The following NHLRC2 variants were observed in gnomAD, a reference collection of about 807,000 sequenced individuals.
The protein encoded by NHLRC2 is NHL repeat containing 2, also known as NHL repeat-containing protein 2.
A neutral mutation model predicts 68.1 loss-of-function variants in NHLRC2; 33 were observed. The ratio of observed to expected loss-of-function variants is 0.48; its 90% confidence interval spans 0.37 to 0.65. NHLRC2 has a LOEUF of 0.65. Ranked by LOEUF, NHLRC2 falls within the 30% of genes least tolerant of loss-of-function variation. The pLI, the probability that NHLRC2 is intolerant of heterozygous loss-of-function variation, is 0.00. For synonymous variants in NHLRC2, 311 were observed against 309.6 expected (o/e 1.00, Z -0.05); for missense variants, 761 against 853.8 (o/e 0.89, Z 1.35).
In NHLRC2 at chr10:113,875,032, G is replaced by A. The variant is rs537986777; in HGVS notation, c.332-1489G>A. 3.2e-4 allele frequency among the ~76,000 whole-genome samples: 48 copies of A among 150,800 alleles called. 1 individual carries two copies. The South Asian group carries it at 8.9e-3, about 28-fold the overall frequency. The stretch of plus-strand genomic sequence containing the variant: ...CGAACATCTGCTTTATCTTGGCATC[G>A]GTATCTGTTGCTTGTTTTTTTTGCC... On this transcript the variant is annotated intron_variant, in intron 2 of 10. Coordinates refer to ENST00000369301, the MANE Select transcript of NHLRC2 (RefSeq NM_198514.4).
At chr10:113,895,742 ATG>A (rs1846170528) in intron 5 of NHLRC2, among the ~76,000 whole-genome samples, 1 of 152,152 alleles carries the variant, frequency 6.6e-6, no homozygotes, top group South Asian at 2.1e-4. Context: ...TTAGAAAGTG[ATG>A]TAGCTACTAC....
chr10:113,873,418 T>A (rs1029797977), intron 2 of NHLRC2, among the ~76,000 whole-genome samples: 1 of 152,154 alleles, frequency 6.6e-6, no homozygotes, highest in Non-Finnish European at 1.5e-5. Flanking sequence ...GAAGCACAAC[T>A]GGGTATAATA....
chr10:113,905,864 G>T (rs1846270985), intron 10 of NHLRC2, among the ~76,000 whole-genome samples: 2 of 152,170 alleles, frequency 1.3e-5, no homozygotes, highest in Admixed American at 1.3e-4. Context: ...TATCTTGGTA[G>T]ACTGGCTGGG....
chr10:113,883,931 G>A (rs752491322), intron 4 of NHLRC2, among the ~76,000 whole-genome samples: 1 of 151,762 alleles, frequency 6.6e-6, no homozygotes, highest in Non-Finnish European at 1.5e-5. Flanking sequence ...CATGTATTTT[G>A]CTACATTGTG....
chr10:113,905,009 T>A lies in NHLRC2; in HGVS notation c.1897T>A (p.Ser633Thr), dbSNP rs770045880. 2 of 1,532,632 alleles carry A rather than the reference T, an allele frequency of 1.3e-6. No individual in the cohort carries two copies. The highest frequency in any genetic ancestry group is 4.6e-5 in the East Asian group (2 of 43,754). 94.9% of individuals were successfully genotyped at this position (1,532,632 alleles called of 1,614,324 possible). A position where few individuals can be genotyped will look rare whatever the true frequency, so the allele number is the denominator to read the frequency against. ...PSGSKLTEGV[S>T]SCWFLTAEGN... ...AGGATCAAAGCTAACTGAAGGAGTA[T>A]CCAGTTGCTGGTTTCTAACAGCTGA... is the stretch of plus-strand genomic sequence containing the variant. Residue 633 changes from serine to threonine, a missense_variant, in exon 10 of 11, where the codon TCC (serine) becomes ACC (threonine). Transcript: ENST00000369301.
At chr10:113,881,148 G>T (rs368135723) in intron 4 of NHLRC2, among the ~76,000 whole-genome samples, 1 of 151,704 alleles carries the variant, frequency 6.6e-6, no homozygotes, top group Admixed American at 6.6e-5. Flanking sequence ...TCTATAATTC[G>T]TCAGAGGGGC....
chr10:113,906,960 C>T (rs1431017193), intron 10 of NHLRC2, among the ~76,000 whole-genome samples: 2 of 152,224 alleles, frequency 1.3e-5, no homozygotes, highest in African/African-American at 2.4e-5. Flanking sequence ...GCACTCTAGC[C>T]TGGGTGACAG....
At chr10:113,879,744 A>C (rs2134711148) in intron 4 of NHLRC2, 49 bp downstream of exon 4, 1 of 1,185,482 alleles carries the variant, frequency 8.4e-7, no homozygotes, top group Non-Finnish European at 1.2e-6. Flanking sequence ...AGAAAAAGGA[A>C]ATGTATTTGC....
intron 9 of NHLRC2, among the ~76,000 whole-genome samples, chr10:113,904,349 A>G (rs1009805265): frequency 6.6e-5 from 10 of 152,288 alleles, no homozygotes; most frequent in Middle Eastern, 3.4e-3. Context: ...CCTGAAAAAA[A>G]TGCAACAGTT....
chr10:113,879,866 G>A lies in NHLRC2; in HGVS notation c.909+171G>A, dbSNP rs187555674. On this transcript the variant is annotated intron_variant, in intron 4 of 10. Transcript: ENST00000369301. ...ATTCTCAAGTATCCTGTTTCTATTT[G>A]TGTCAGTATGTATTTGTCACAAAAG... 2.8e-4 allele frequency among the ~76,000 whole-genome samples: 43 copies of A among 151,964 alleles called. No individual in the cohort carries two copies. In the East Asian group the frequency reaches 5.8e-3, roughly 20 times the overall value.
chr10:113,876,871 A>G lies in NHLRC2; in HGVS notation c.682A>G (p.Lys228Glu). The change falls in exon 3 of 11, where the codon AAA (lysine) becomes GAA (glutamate). Residue 228 changes from lysine to glutamate, a missense_variant. By Grantham distance (56) the Lys-to-Glu change is moderately conservative (BLOSUM62 1). Transcript: ENST00000369301. ...LPPSPLLFPGKVTVDQVTDRL... is the reference protein window; with the variant it reads ...LPPSPLLFPGEVTVDQVTDRL... ...ACCTTCACCATTGCTATTTCCTGGC[A>G]AAGTAACAGTAGACCAAGTTACTGA... The G allele has an allele frequency of 6.2e-7, 1 of 1,613,068 alleles. No individual in the cohort carries two copies. The highest frequency in any genetic ancestry group is 8.5e-7 in the Non-Finnish European group (1 of 1,179,274).
At chr10:113,903,469 A>G (rs1846245688) in intron 8 of NHLRC2, 58 bp from the exon 9 acceptor site, 2 of 1,067,360 alleles carry the variant, frequency 1.9e-6, no homozygotes, top group Non-Finnish European at 2.9e-6. Context: ...ATACTCTTCC[A>G]TACAACAAAC....
intron 5 of NHLRC2, among the ~76,000 whole-genome samples, chr10:113,890,066 A>G (rs1471712184): frequency 6.6e-6 from 1 of 152,210 alleles, no homozygotes; most frequent in East Asian, 1.9e-4. Flanking sequence ...GAATGAGATT[A>G]CTGGGTCATA....
intron 1 of NHLRC2, among the ~76,000 whole-genome samples, chr10:113,858,174 A>C (rs1214690860): frequency 1.3e-5 from 2 of 150,092 alleles, no homozygotes; most frequent in African/African-American, 4.9e-5. Context: ...CAGCTTTCCC[A>C]TCCTCTACTC....
chr10:113,904,060 CCTG>C (rs1199687373), intron 9 of NHLRC2, among the ~76,000 whole-genome samples: 1 of 150,212 alleles, frequency 6.7e-6, no homozygotes, highest in African/African-American at 2.4e-5. Context: ...ACTACATACA[CCTG>C]CTCTGTGGGT....
intron 5 of NHLRC2, among the ~76,000 whole-genome samples, chr10:113,887,770 T>C (rs1392790083): frequency 2.0e-5 from 3 of 152,110 alleles, no homozygotes. Flanking sequence ...AGACTCTGTC[T>C]CTAAAAAAAC....
intron 2 of NHLRC2, among the ~76,000 whole-genome samples, chr10:113,867,095 G>A (rs1845874804): frequency 6.6e-6 from 1 of 152,212 alleles, no homozygotes; most frequent in African/African-American, 2.4e-5. Context: ...CAGATTCTCA[G>A]AAGGAAAGCA....
intron 3 of NHLRC2, among the ~76,000 whole-genome samples, chr10:113,877,262 T>A (rs935326437): frequency 2.6e-5 from 4 of 151,366 alleles, no homozygotes; most frequent in South Asian, 2.1e-4. Flanking sequence ...TTTTTTTTTT[T>A]AAACTGCTGT....
chr10:113,882,674 T>C (rs1021993298), intron 4 of NHLRC2, among the ~76,000 whole-genome samples: 5 of 151,866 alleles, frequency 3.3e-5, no homozygotes, highest in Non-Finnish European at 7.4e-5. Context: ...TGTTCTTTGA[T>C]ACATTGAAGT....
Sources: gnomAD v4.1 joint callset for allele counts (sites outside exome capture counted in the v4.1 genomes callset) on GRCh38, gnomAD v4.1.1 for gene constraint, MANE v1.5 for transcripts, NCBI Gene and HGNC (gene_info 2026-07-23, HGNC 2026-07-21) for gene names.